The following KDM4B variants were observed in gnomAD, a reference collection of about 807,000 sequenced individuals.
KDM4B encodes the protein lysine demethylase 4B.
Under a neutral mutation model 125.2 loss-of-function variants are expected in KDM4B, and 32 were observed. The observed-to-expected ratio is 0.26, with a 90% CI of 0.19 to 0.34. The LOEUF is 0.34. KDM4B is among the 10% of genes least tolerant of loss of function. KDM4B has a pLI of 1.00. For synonymous variants in KDM4B, 721 were observed against 677.9 expected (o/e 1.06, Z -0.99); for missense variants, 1,190 against 1,577.7 (o/e 0.75, Z 4.16).
At chr19:4,993,132 G>A (rs1157586683) in intron 1 of KDM4B, among the ~76,000 whole-genome samples, 3 of 152,106 alleles carry the variant, frequency 2.0e-5, no homozygotes, top group Non-Finnish European at 4.4e-5. Context: ...GGTATGAGCC[G>A]GGCATGGGGG....
intron 9 of KDM4B, among the ~76,000 whole-genome samples, chr19:5,099,687 G>C (rs758895928): frequency 6.6e-6 from 1 of 152,200 alleles, no homozygotes; most frequent in Non-Finnish European, 1.5e-5. Context: ...TTTCTCATTT[G>C]AAAACAGGGC....
chr19:5,047,694 G>A (rs376315962), intron 6 of KDM4B, 25 bp downstream of exon 6: 109 of 1,605,862 alleles, frequency 6.8e-5, no homozygotes, highest in Non-Finnish European at 8.1e-5. Flanking sequence ...TGGCCCTGCC[G>A]CCGGCCGGAC....
At chr19:5,122,977 C>T (rs1599231906) in intron 11 of KDM4B, among the ~76,000 whole-genome samples, 1 of 152,270 alleles carries the variant, frequency 6.6e-6, no homozygotes. Context: ...CATTTGCAAA[C>T]TGCACACCCA....
chr19:5,038,164 G>A (rs932290494), intron 3 of KDM4B, among the ~76,000 whole-genome samples: 6 of 152,226 alleles, frequency 3.9e-5, no homozygotes, highest in East Asian at 1.9e-4. Flanking sequence ...TGGGTGGCCC[G>A]GTCGACTCCT....
intron 6 of KDM4B, among the ~76,000 whole-genome samples, chr19:5,069,696 C>G (rs1210696172): frequency 6.6e-6 from 1 of 152,222 alleles, no homozygotes; most frequent in Non-Finnish European, 1.5e-5. Context: ...TCACTGCAGC[C>G]TTTGCCTCCC....
At chr19:5,119,573 G>A (rs1489713618) in intron 10 of KDM4B, 80 bp from the exon 11 acceptor site, 11 of 1,370,438 alleles carry the variant, frequency 8.0e-6, no homozygotes, top group South Asian at 2.5e-5. Flanking sequence ...CGGGGGCTGC[G>A]TGCTGCCGGA....
At chr19:5,007,031 C>G (rs1029943483) in intron 1 of KDM4B, among the ~76,000 whole-genome samples, 2 of 152,068 alleles carry the variant, frequency 1.3e-5, no homozygotes, top group Non-Finnish European at 1.5e-5. Context: ...GAGGACCAGG[C>G]GCAGACCTGG....
At chr19:4,970,030 C>T (rs1192041860) in intron 1 of KDM4B, among the ~76,000 whole-genome samples, 2 of 152,166 alleles carry the variant, frequency 1.3e-5, no homozygotes, top group African/African-American at 4.8e-5. Flanking sequence ...GCCGAGACCC[C>T]TTTTCTGTGT....
rs1031960257 is a variant in KDM4B at position 4,997,962 on chromosome 19, T to C, written c.-108-18295T>C. Among the ~76,000 whole-genome samples the C allele has an allele frequency of 6.6e-6, 1 of 152,258 alleles. No homozygotes were observed. ...ATTACAAGGCAGGTTTGTAGATGCA[T>C]AGATTATTTAGTTAATGATTATGGT... On this transcript the variant is annotated intron_variant, in intron 1 of 22. Transcript: ENST00000159111. The surrounding 1 kb of genome is among the most constrained non-coding windows in gnomAD (Gnocchi z 4.2).
chr19:5,108,282 C>T (rs1169184967), intron 9 of KDM4B, among the ~76,000 whole-genome samples: 1 of 152,250 alleles, frequency 6.6e-6, no homozygotes, highest in Admixed American at 6.5e-5. Flanking sequence ...CCGGCACCAT[C>T]TGTGTTCCTG....
chr19:5,139,114 G>A (rs565377214), intron 18 of KDM4B, among the ~76,000 whole-genome samples: 1 of 152,200 alleles, frequency 6.6e-6, no homozygotes, highest in Admixed American at 6.5e-5. Flanking sequence ...TTAAAAGATG[G>A]GGTCTCACTA....
chr19:5,113,758 C>A (rs970487319), intron 10 of KDM4B: 5 of 352,370 alleles, frequency 1.4e-5, no homozygotes, highest in Non-Finnish European at 1.6e-5. Flanking sequence ...ATCGCCCAGT[C>A]CCCCGCGTGG....
chr19:5,090,415 TCC>T (rs1237862381), intron 9 of KDM4B, among the ~76,000 whole-genome samples: 1 of 30,998 alleles, frequency 3.2e-5, no homozygotes, highest in Non-Finnish European at 5.4e-5. Context: ...TCTCCCCCTC[TCC>T]CCCTCTGTCT....
intron 7 of KDM4B, among the ~76,000 whole-genome samples, chr19:5,071,772 C>T (rs2037955519): frequency 6.6e-6 from 1 of 152,140 alleles, no homozygotes; most frequent in Non-Finnish European, 1.5e-5. Context: ...GGGCAGGGTC[C>T]CCATGTCAGC....
At chr19:5,041,278 A>G (rs1339012701) in intron 5 of KDM4B, 27 bp downstream of exon 5, 2 of 1,559,456 alleles carry the variant, frequency 1.3e-6, no homozygotes, top group African/African-American at 1.4e-5. Context: ...GGGGAAGAAC[A>G]GGGACCAGCT....
chr19:5,064,230 T>G (rs1359790939), intron 6 of KDM4B, among the ~76,000 whole-genome samples: 18 of 152,322 alleles, frequency 1.2e-4, no homozygotes, highest in African/African-American at 4.3e-4. Flanking sequence ...CCAGGTGGCC[T>G]CTGTCCAACC....
chr19:5,149,692 G>A (rs371600540), intron 21 of KDM4B, among the ~76,000 whole-genome samples: 25 of 152,314 alleles, frequency 1.6e-4, no homozygotes, highest in African/African-American at 5.3e-4. Flanking sequence ...GAGAGTCTCC[G>A]CGAGCCTGAG....
chr19:4,978,637 A>C (rs2034536345), intron 1 of KDM4B, among the ~76,000 whole-genome samples: 1 of 151,748 alleles, frequency 6.6e-6, no homozygotes, highest in African/African-American at 2.4e-5. Context: ...TGCGTACCCC[A>C]AAGGCAGAGC....
intron 2 of KDM4B, among the ~76,000 whole-genome samples, chr19:5,025,207 C>T (rs1436199980): frequency 6.6e-6 from 1 of 151,714 alleles, no homozygotes; most frequent in Admixed American, 6.6e-5. Flanking sequence ...AGGGGTGGGG[C>T]GTGGTGGCTC....
Sources: gnomAD v4.1 joint callset for allele counts (sites outside exome capture counted in the v4.1 genomes callset) on GRCh38, gnomAD v4.1.1 for gene constraint, Gnocchi (gnomAD v3.1) non-coding constraint, MANE v1.5 for transcripts, NCBI Gene and HGNC (gene_info 2026-07-23, HGNC 2026-07-21) for gene names.